Variants in CD200 observed in about 807,000 individuals in gnomAD.
CD200 encodes CD200 molecule, also known as OX-2 membrane glycoprotein.
A neutral mutation model predicts 30.9 loss-of-function variants in CD200; 15 were observed. The observed-to-expected ratio is 0.49, with a 90% confidence interval of 0.32 to 0.75. The LOEUF (loss-of-function observed/expected upper bound fraction) is 0.75, where lower values mean the gene tolerates loss of function less well. Ranked by LOEUF, CD200 falls within the 30% of genes least tolerant of loss-of-function variation. The pLI is 0.03. For missense variants in CD200, 262 were observed against 324.2 expected (o/e 0.81, Z 1.47); for synonymous variants, 134 against 126.2 (o/e 1.06, Z -0.41).
intron 2 of CD200, among the ~76,000 whole-genome samples, chr3:112,342,008 G>C (rs907198161): frequency 1.3e-5 from 2 of 152,232 alleles, no homozygotes. Flanking sequence ...TATTGTGGGG[G>C]AGTTGCTTGT....
intron 2 of CD200, among the ~76,000 whole-genome samples, chr3:112,342,303 T>TTCCTTCCC (rs2081257186): frequency 2.0e-5 from 1 of 50,382 alleles, no homozygotes; most frequent in African/African-American, 8.3e-5. Flanking sequence ...CCTTCCTTCC[T>TTCCTTCCC]TCCTTTCTTC....
At position 112,345,287 on chromosome 3, in the gene CD200, T is replaced by C. The variant is rs199651350; in HGVS notation, c.420T>C (p.Tyr140=). 21 of 1,604,816 alleles carry C rather than the reference T, an allele frequency of 1.3e-5. No homozygotes were observed. Among genetic ancestry groups the C allele is most frequent in the Non-Finnish European group, 1.6e-5 (19 of 1,171,938 alleles). The change falls in exon 3 of 6, where the codon TAT becomes TAC. Residue 140 remains tyrosine (Y), a splice_region_variant and synonymous_variant. Coordinates refer to ENST00000315711, the MANE Select transcript of CD200 (RefSeq NM_005944.7). ...CAGGAACGGCCTGCCTCACCGTCTA[T>C]GGTGAGAATCTCTGAGAATCATTGT... ...KISGTACLTV[Y]VQPIVSLHYK...
intron 1 of CD200, among the ~76,000 whole-genome samples, chr3:112,335,415 G>A (rs868857495): frequency 2.2e-4 from 34 of 152,096 alleles, no homozygotes; most frequent in Admixed American, 1.7e-3. Flanking sequence ...CTTGGGTATC[G>A]AATAATAAAA....
At chr3:112,335,937 C>T (rs759334440) in intron 1 of CD200, 61 of 1,604,878 alleles carry the variant, frequency 3.8e-5, no homozygotes, top group Non-Finnish European at 3.3e-5. Flanking sequence ...TGATCTCAAA[C>T]CACAGACTCT....
At chr3:112,346,799 A>G (rs1368383428) in intron 3 of CD200, among the ~76,000 whole-genome samples, 1 of 152,206 alleles carries the variant, frequency 6.6e-6, no homozygotes, top group Non-Finnish European at 1.5e-5. Flanking sequence ...AAAATTCTAT[A>G]TTCCAACAAA....
chr3:112,333,887 G>A (rs561193123), intron 1 of CD200: 7 of 985,340 alleles, frequency 7.1e-6, no homozygotes, highest in Non-Finnish European at 7.2e-6. Context: ...TTGTTTATTC[G>A]GAACCAGCTT....
chr3:112,337,778 T>C (rs1246481434), intron 1 of CD200, among the ~76,000 whole-genome samples: 1 of 152,180 alleles, frequency 6.6e-6, no homozygotes, highest in Non-Finnish European at 1.5e-5. Context: ...TAGTTGTCCC[T>C]TGGGACCCAT....
rs2081747902 is a variant in CD200 at position 112,361,856 on chromosome 3, T to A, written c.*306T>A. 2.4e-6 allele frequency: 1 copy of A among 421,668 alleles called. No homozygotes were observed. Among genetic ancestry groups the A allele is most frequent in the South Asian group, 4.5e-5 (1 of 22,408 alleles). The allele number at this position is 421,668 out of a possible 1,614,324, so 26.1% of individuals were successfully genotyped here. A position where few individuals can be genotyped will look rare whatever the true frequency, so the allele number is the denominator to read the frequency against. ...AGGAGCACTGAGCTCACAGACTGAC[T>A]TGGGCTCCTACTGGTGGGGACCTCT... is the stretch of plus-strand genomic sequence containing the variant. On this transcript the variant is annotated 3_prime_UTR_variant, in exon 6 of 6. Coordinates refer to ENST00000315711, the MANE Select transcript of CD200 (RefSeq NM_005944.7).
Position 112,361,836 on chromosome 3 carries a change from C to A in CD200, c.*286C>A, listed in dbSNP as rs1370686092. ...CACTGGACTTAGTTAGTATCAGGAG[C>A]ACTGAGCTCACAGACTGACTTGGGC... is the stretch of plus-strand genomic sequence containing the variant. On this transcript the variant is annotated 3_prime_UTR_variant, in exon 6 of 6. Coordinates refer to ENST00000315711, the MANE Select transcript of CD200 (RefSeq NM_005944.7). The A allele has an allele frequency of 4.2e-6, 2 of 477,206 alleles. No homozygotes were observed. The highest frequency in any genetic ancestry group is 5.5e-4 in the Middle Eastern group (1 of 1,822). The allele number at this position is 477,206 out of a possible 1,614,324, so 29.6% of individuals were successfully genotyped here.
At chr3:112,343,149 G>A (rs1273562470) in intron 2 of CD200, among the ~76,000 whole-genome samples, 1 of 151,880 alleles carries the variant, frequency 6.6e-6, no homozygotes, top group Non-Finnish European at 1.5e-5. Context: ...CATAGTATGA[G>A]TTGCTAATAT....
intron 5 of CD200, among the ~76,000 whole-genome samples, chr3:112,360,333 A>AAAAAAAAATATAT (rs879786648): frequency 2.8e-4 from 39 of 141,284 alleles, no homozygotes; most frequent in African/African-American, 8.6e-4. Context: ...ATCTAAAAAA[A>AAAAAAAAATATAT]ATATATATAT....
In CD200 at chr3:112,346,741, C is replaced by A. The variant is rs528332904; in HGVS notation, c.422-817C>A. On this transcript the variant is annotated intron_variant, in intron 3 of 5. Coordinates refer to ENST00000315711, the MANE Select transcript of CD200 (RefSeq NM_005944.7). Reference sequence around the variant, plus strand: ...CACTGCCATTTAATTATCTTGTGGGCTCCAAAGCCAACCACAGAAAGACAA... The same window carrying A: ...CACTGCCATTTAATTATCTTGTGGGATCCAAAGCCAACCACAGAAAGACAA... 2.3e-4 allele frequency among the ~76,000 whole-genome samples: 35 copies of A among 152,176 alleles called. 1 individual carries two copies. The highest frequency in any genetic ancestry group is 4.6e-4 in the Non-Finnish European group (31 of 68,034).
chr3:112,354,950 C>T (rs752205558), intron 5 of CD200, among the ~76,000 whole-genome samples: 3 of 152,176 alleles, frequency 2.0e-5, no homozygotes, highest in Non-Finnish European at 2.9e-5. Context: ...CATTTGTCTC[C>T]TTTTTCCTTT....
intron 5 of CD200, among the ~76,000 whole-genome samples, chr3:112,359,463 G>C (rs1307892159): frequency 6.6e-6 from 1 of 152,128 alleles, no homozygotes; most frequent in African/African-American, 2.4e-5. Flanking sequence ...TTTGTAAGTG[G>C]GGATGAAAGG....
rs546251966 is a variant in CD200, at chr3:112,351,349, A to G, written c.802+1530A>G. Reference sequence around the variant, plus strand: ...TTTTGGAAAGTGCAAGCAGACAAGTATAAAGTATTTAAATTCATTTTTAAA... The same window carrying G: ...TTTTGGAAAGTGCAAGCAGACAAGTGTAAAGTATTTAAATTCATTTTTAAA... On this transcript the variant is annotated intron_variant, in intron 5 of 5. Coordinates refer to ENST00000315711, the MANE Select transcript of CD200 (RefSeq NM_005944.7). 4.8e-3 allele frequency among the ~76,000 whole-genome samples: 734 copies of G among 152,346 alleles called. 2 individuals carry two copies. Among genetic ancestry groups the G allele is most frequent in the Middle Eastern group, 6.8e-3 (2 of 294 alleles).
intron 2 of CD200, among the ~76,000 whole-genome samples, chr3:112,341,506 A>G (rs1157984002): frequency 1.3e-5 from 2 of 152,134 alleles, no homozygotes; most frequent in Non-Finnish European, 2.9e-5. Context: ...GTTCCTTGGG[A>G]GGCCACACTC....
intron 5 of CD200, among the ~76,000 whole-genome samples, chr3:112,356,845 GAC>G (rs1169944980): frequency 6.6e-6 from 1 of 152,160 alleles, no homozygotes; most frequent in Non-Finnish European, 1.5e-5. Context: ...AGTACCTTTG[GAC>G]AAGCCATTTA....
intron 1 of CD200, chr3:112,333,888 G>A: frequency 1.0e-6 from 1 of 985,392 alleles, no homozygotes; most frequent in Non-Finnish European, 1.2e-6. Flanking sequence ...TGTTTATTCG[G>A]AACCAGCTTA....
rs2081288538 is a variant in CD200, at chr3:112,342,421, CTTTCTTTCT to C, written c.94+1440_94+1448del. On this transcript the variant is annotated intron_variant, in intron 2 of 5. Transcript: ENST00000315711. ...TCTTTCTTTCTTTCTTTCTTTCTTTCTTTCTTTCTTCTCTCTCTTTCTATGAAATTTCAC... is the reference window on the plus strand; with the variant it reads ...TCTTTCTTTCTTTCTTTCTTTCTTTCTCTCTCTCTTTCTATGAAATTTCAC... 1.8e-4 allele frequency among the ~76,000 whole-genome samples: 14 copies of C among 77,874 alleles called. 1 individual carries two copies. The highest frequency in any genetic ancestry group is 6.4e-4 in the African/African-American group (13 of 20,294). 51.1% of individuals were successfully genotyped at this position (77,874 alleles called of 152,430 possible).
Sources: allele counts gnomAD v4.1 joint callset (sites outside exome capture counted in the v4.1 genomes callset), GRCh38; gene constraint gnomAD v4.1.1; transcripts MANE v1.5; gene names NCBI Gene and HGNC (gene_info 2026-07-23, HGNC 2026-07-21).